ELFN2: variants seen among roughly 807,000 people sequenced by gnomAD.
ELFN2 encodes the protein extracellular leucine rich repeat and fibronectin type III domain containing 2.
Under a neutral mutation model 45.5 loss-of-function variants are expected in ELFN2, and 17 were observed. The observed-to-expected ratio is 0.37, with a 90% CI of 0.26 to 0.56. The LOEUF (loss-of-function observed/expected upper bound fraction) is 0.56. Among genes scored for constraint, ELFN2 ranks in the 20% least tolerant of loss-of-function variants. The pLI, the probability that ELFN2 is intolerant of heterozygous loss-of-function variation, is 0.77. For missense variants in ELFN2, 922 were observed against 1,183.2 expected, an observed-to-expected ratio of 0.78 and a Z score of 3.24; for synonymous variants, 550 against 551.5, an observed-to-expected ratio of 1.00 and a Z score of 0.04.
chr22:37,408,129 G>A (rs988765480), intron 2 of ELFN2, among the ~76,000 whole-genome samples: 1 of 152,186 alleles, frequency 6.6e-6, no homozygotes, highest in African/African-American at 2.4e-5. Context: ...ATCCCCCCAG[G>A]GGCTGCGGTC....
At chr22:37,398,013 C>A (rs978342802) in intron 2 of ELFN2, among the ~76,000 whole-genome samples, 1 of 152,122 alleles carries the variant, frequency 6.6e-6, no homozygotes, top group Non-Finnish European at 1.5e-5. Flanking sequence ...TCAAATGAGA[C>A]GGTAAGGACA....
At chr22:37,408,574 C>T (rs994738549) in intron 2 of ELFN2, among the ~76,000 whole-genome samples, 3 of 152,222 alleles carry the variant, frequency 2.0e-5, no homozygotes, top group Admixed American at 6.5e-5. Flanking sequence ...ACTGCCACCC[C>T]TACCATATGC....
At chr22:37,410,854 G>C (rs1932631039) in intron 2 of ELFN2, among the ~76,000 whole-genome samples, 1 of 152,200 alleles carries the variant, frequency 6.6e-6, no homozygotes, top group Non-Finnish European at 1.5e-5. Flanking sequence ...ACGACATCCT[G>C]TTCGGCAGGC....
intron 2 of ELFN2, among the ~76,000 whole-genome samples, chr22:37,400,210 C>T (rs1165020339): frequency 2.0e-5 from 3 of 152,156 alleles, no homozygotes; most frequent in African/African-American, 7.2e-5. Flanking sequence ...GATGCTGACC[C>T]ACCCCCTCGT....
chr22:37,424,407 C>T (rs1932832761), intron 1 of ELFN2, among the ~76,000 whole-genome samples: 1 of 152,182 alleles, frequency 6.6e-6, no homozygotes, highest in Non-Finnish European at 1.5e-5. Context: ...CCCCAGTGAC[C>T]GCCCTAGACA....
rs1931396254 is a variant in ELFN2, at chr22:37,372,541, T to G, written c.*531A>C. 6.5e-6 allele frequency: 1 copy of G among 153,410 alleles called. No individual in the cohort carries two copies. Among genetic ancestry groups the G allele is most frequent in the Non-Finnish European group, 1.5e-5 (1 of 68,944 alleles). 9.5% of individuals were successfully genotyped at this position (153,410 alleles called of 1,614,324 possible). ...CCCTGGGGTTGTCAACTCCCTTCTC[T>G]GGGCCTCAGTTTCCCCCCCTCTCTA... is the stretch of plus-strand genomic sequence containing the variant. On this transcript the variant is annotated 3_prime_UTR_variant, in exon 3 of 3. Coordinates refer to ENST00000402918, the MANE Select transcript of ELFN2 (RefSeq NM_052906.5). The surrounding 1 kb of genome is among the most constrained non-coding windows in gnomAD (Gnocchi z 4.4).
chr22:37,363,032 C>T (rs145572344), downstream of ELFN2, among the ~76,000 whole-genome samples: 209 of 152,308 alleles, frequency 1.4e-3, 1 homozygote, highest in African/African-American at 4.8e-3. Flanking sequence ...CCCGAGGTAC[C>T]GATTCATTCC....
chr22:37,373,431 C>T lies in ELFN2; in HGVS notation c.2104G>A (p.Ala702Thr), dbSNP rs1351055930. The change falls in exon 3 of 3, where the codon GCC becomes ACC. Residue 702 changes from alanine to threonine, a missense_variant. Coordinates refer to ENST00000402918, the MANE Select transcript of ELFN2 (RefSeq NM_052906.5). ...TGCCGGTGCTCGCTGCAGTGGTAGG[C>T]CGGCTTCACCTCCAGGTGGTGGATG... Reference protein sequence around the residue: ...GGIHHLEVKPAYHCSEHRHSF... With the variant: ...GGIHHLEVKPTYHCSEHRHSF... 4.5e-6 allele frequency: 7 copies of T among 1,556,576 alleles called. No homozygotes were observed. Among genetic ancestry groups the T allele is most frequent in the East Asian group, 2.4e-5 (1 of 41,822 alleles).
intron 2 of ELFN2, among the ~76,000 whole-genome samples, chr22:37,383,135 C>T (rs1475850231): frequency 6.6e-6 from 1 of 152,160 alleles, no homozygotes; most frequent in East Asian, 1.9e-4. Flanking sequence ...TGTCAAGGTC[C>T]CTCTTACAAC....
At chr22:37,410,096 C>T (rs931591922) in intron 2 of ELFN2, among the ~76,000 whole-genome samples, 1 of 152,168 alleles carries the variant, frequency 6.6e-6, no homozygotes, top group African/African-American at 2.4e-5. Flanking sequence ...CACACACCTG[C>T]CCTTGTGTGC....
chr22:37,410,970 C>G (rs76985795), intron 2 of ELFN2, among the ~76,000 whole-genome samples: 2 of 152,162 alleles, frequency 1.3e-5, no homozygotes, highest in African/African-American at 4.8e-5. Context: ...AGAGGTGACT[C>G]TAGAAGGGCC....
Position 37,422,599 on chromosome 22 carries a change from G to A in ELFN2, c.-613-4680C>T, listed in dbSNP as rs1932817198. Among the ~76,000 whole-genome samples the A allele has an allele frequency of 3.3e-5, 5 of 152,022 alleles. No homozygotes were observed. In the South Asian group the frequency reaches 1.0e-3, roughly 32 times the overall value. On this transcript the variant is annotated intron_variant, in intron 1 of 2. Transcript: ENST00000402918. ...GTGTGCCTGTAATCCCAGCTACTGG[G>A]GAAGTTTTTTTTGAGACGGAGCCTC... is the stretch of plus-strand genomic sequence containing the variant.
intron 2 of ELFN2, among the ~76,000 whole-genome samples, chr22:37,390,141 A>C (rs562931583): frequency 2.0e-5 from 3 of 152,282 alleles, no homozygotes; most frequent in Non-Finnish European, 2.9e-5. Context: ...TGGAGATGAC[A>C]CTCCGGTCCC....
Position 37,351,572 on chromosome 22 carries a change from T to G in ELFN2, n.149-8869A>C, listed in dbSNP as rs1197395597. ...CTCTCACTCTGCCCCTTCCCCATGCTCCAGCGTCCCCCCCACCCTCTCGAC... is the reference window on the plus strand; with the variant it reads ...CTCTCACTCTGCCCCTTCCCCATGCGCCAGCGTCCCCCCCACCCTCTCGAC... On this transcript the variant is annotated intron_variant and non_coding_transcript_variant, in intron 1 of 2. Coordinates refer to ENST00000452946, the Ensembl canonical transcript of ELFN2. 1.6e-4 allele frequency among the ~76,000 whole-genome samples: 23 copies of G among 145,732 alleles called. 2 individuals carry two copies. The highest frequency in any genetic ancestry group is 1.4e-3 in the Admixed American group (21 of 14,976).
In ELFN2 at chr22:37,373,582, C is replaced by A; in HGVS notation, c.1953G>T (p.Pro651=). ...CGCCCTTAGCCAGCCCTGTGGCGGC[C>A]GGATGGTCGGGCACGTCCAGGCTAA... ...KVFSLDVPDH[P]AATGLAKGDS... is the part of the protein sequence containing the mutation. The change falls in exon 3 of 3, where the codon CCG becomes CCT. Residue 651 remains proline, a synonymous_variant. Coordinates refer to ENST00000402918, the MANE Select transcript of ELFN2 (RefSeq NM_052906.5). 6.2e-7 allele frequency: 1 copy of A among 1,606,766 alleles called. No individual in the cohort carries two copies. Among genetic ancestry groups the A allele is most frequent in the Non-Finnish European group, 8.5e-7 (1 of 1,177,872 alleles).
chr22:37,347,377 G>T (rs999567970), intron 1 of ELFN2, among the ~76,000 whole-genome samples: 7 of 152,092 alleles, frequency 4.6e-5, no homozygotes, highest in South Asian at 2.1e-4. Context: ...AGACATTACT[G>T]CCTCGCTCAA....
chr22:37,396,911 C>T (rs1932227822), intron 2 of ELFN2, among the ~76,000 whole-genome samples: 1 of 152,214 alleles, frequency 6.6e-6, no homozygotes, highest in Non-Finnish European at 1.5e-5. Context: ...AGGCCACTAT[C>T]ATCACTTGCC....
intron 2 of ELFN2, among the ~76,000 whole-genome samples, chr22:37,378,068 GACCGCATTTGTATGCAGGTGC>G (rs1052224496): frequency 1.3e-5 from 2 of 152,234 alleles, no homozygotes; most frequent in Admixed American, 6.5e-5. Context: ...AATGTCTGGG[GACCGCATTTGTATGCAGGTGC>G]ACACACAGGT....
At chr22:37,401,922 C>T (rs899505271) in intron 2 of ELFN2, among the ~76,000 whole-genome samples, 1 of 152,238 alleles carries the variant, frequency 6.6e-6, no homozygotes, top group Non-Finnish European at 1.5e-5. Flanking sequence ...TTCCATCTTT[C>T]CCTGCCTGCG....
Sources: gnomAD v4.1 joint callset for allele counts (sites outside exome capture counted in the v4.1 genomes callset) on GRCh38, gnomAD v4.1.1 for gene constraint, Gnocchi (gnomAD v3.1) non-coding constraint, MANE v1.5 for transcripts, NCBI Gene and HGNC (gene_info 2026-07-23, HGNC 2026-07-21) for gene names.